Variants in TSHZ2 observed in about 807,000 individuals in gnomAD.
TSHZ2 encodes teashirt homolog 2.
In TSHZ2, 21 loss-of-function variants were observed where a neutral mutation model predicts 74.4. The observed-to-expected ratio is 0.28, with a 90% confidence interval of 0.20 to 0.41. TSHZ2 has a LOEUF of 0.41. Among genes scored for constraint, TSHZ2 ranks in the 10% least tolerant of loss-of-function variants. The pLI, the probability that TSHZ2 is intolerant of heterozygous loss-of-function variation, is 1.00. For synonymous variants in TSHZ2, 540 were observed against 515.3 expected, an observed-to-expected ratio of 1.05 and a Z score of -0.65; for missense variants, 1,244 against 1,293.5, an observed-to-expected ratio of 0.96 and a Z score of 0.59.
At chr20:53,102,175 A>G (rs1349658203) in intron 1 of TSHZ2, among the ~76,000 whole-genome samples, 2 of 152,166 alleles carry the variant, frequency 1.3e-5, no homozygotes, top group Non-Finnish European at 2.9e-5. Context: ...TGGATAAATA[A>G]TGGACAATAT....
intron 2 of TSHZ2, among the ~76,000 whole-genome samples, chr20:53,403,907 G>A (rs1354769912): frequency 2.0e-5 from 3 of 152,086 alleles, no homozygotes; most frequent in East Asian, 1.9e-4. Context: ...AACCACAGCC[G>A]TGAGCCAAAA....
intron 2 of TSHZ2, among the ~76,000 whole-genome samples, chr20:53,451,416 A>G (rs1271677493): frequency 2.0e-5 from 3 of 152,224 alleles, no homozygotes; most frequent in Non-Finnish European, 2.9e-5. Flanking sequence ...GCTAACCTCA[A>G]TGACTTAGAA....
chr20:53,207,381 G>A (rs1238792053), intron 1 of TSHZ2, among the ~76,000 whole-genome samples: 1 of 152,158 alleles, frequency 6.6e-6, no homozygotes, highest in Non-Finnish European at 1.5e-5. Context: ...TCAGGCAGGA[G>A]TGACAGGTTC....
At chr20:53,175,159 T>C (rs13042344) in intron 1 of TSHZ2, among the ~76,000 whole-genome samples, 27,514 of 133,998 alleles carry the variant, frequency 0.21, 3,485 homozygotes, top group Middle Eastern at 0.28. Context: ...TTTTTTTTTT[T>C]CAACGGAGTT....
At chr20:53,354,094 G>T (rs1261014533) in intron 2 of TSHZ2, among the ~76,000 whole-genome samples, 1 of 152,216 alleles carries the variant, frequency 6.6e-6, no homozygotes, top group African/African-American at 2.4e-5. Flanking sequence ...CAAGGTGAAA[G>T]TTTAACTACA....
chr20:53,391,741 G>C (rs542500340), intron 2 of TSHZ2, among the ~76,000 whole-genome samples: 1 of 152,278 alleles, frequency 6.6e-6, no homozygotes, highest in South Asian at 2.1e-4. Context: ...TCAGGAGTTT[G>C]AGAACAGTGT....
chr20:53,379,894 G>A (rs534129658), intron 2 of TSHZ2, among the ~76,000 whole-genome samples: 7 of 152,178 alleles, frequency 4.6e-5, no homozygotes, highest in South Asian at 4.2e-4. Flanking sequence ...CTGTAACATC[G>A]TGAGCCAAAG....
At chr20:53,392,625 G>T (rs1191126997) in intron 2 of TSHZ2, among the ~76,000 whole-genome samples, 1 of 152,164 alleles carries the variant, frequency 6.6e-6, no homozygotes, top group Non-Finnish European at 1.5e-5. Context: ...GTTAAGGATG[G>T]TGAGGCTATG....
At chr20:53,438,445 G>A (rs992012541) in intron 2 of TSHZ2, among the ~76,000 whole-genome samples, 13 of 152,104 alleles carry the variant, frequency 8.5e-5, no homozygotes, top group Non-Finnish European at 1.5e-4. Flanking sequence ...GCAGCCCCAA[G>A]TTGAGCCGTC....
At chr20:53,122,988 T>TCTTCCACTTCCC (rs1238937214) in intron 1 of TSHZ2, among the ~76,000 whole-genome samples, 1 of 152,216 alleles carries the variant, frequency 6.6e-6, no homozygotes, top group Non-Finnish European at 1.5e-5. Flanking sequence ...TTCCGCTTTC[T>TCTTCCACTTCCC]ACTCTTCCAC....
chr20:53,058,798 G>A (rs1469608669), intron 1 of TSHZ2, among the ~76,000 whole-genome samples: 2 of 152,234 alleles, frequency 1.3e-5, no homozygotes, highest in African/African-American at 4.8e-5. Flanking sequence ...TAGAAGCTCA[G>A]GACAGATGCA....
chr20:53,072,241 C>A (rs939781017), intron 1 of TSHZ2, among the ~76,000 whole-genome samples: 2 of 152,176 alleles, frequency 1.3e-5, no homozygotes, highest in Admixed American at 1.3e-4. Flanking sequence ...GTTTCTATGA[C>A]ATTAAGGACT....
At chr20:53,031,136 G>A (rs899986817) in intron 1 of TSHZ2, among the ~76,000 whole-genome samples, 2 of 152,106 alleles carry the variant, frequency 1.3e-5, no homozygotes, top group African/African-American at 4.8e-5. Flanking sequence ...AATTATGCCT[G>A]TTTAATGCTT....
intron 2 of TSHZ2, among the ~76,000 whole-genome samples, chr20:53,272,777 T>G (rs1336748514): frequency 1.3e-5 from 2 of 152,140 alleles, no homozygotes; most frequent in African/African-American, 4.8e-5. Flanking sequence ...ATGCTAACTC[T>G]TGGAGGAACT....
chr20:53,396,865 AG>A (rs1364466384), intron 2 of TSHZ2, among the ~76,000 whole-genome samples: 7 of 148,782 alleles, frequency 4.7e-5, no homozygotes, highest in Admixed American at 2.7e-4. Flanking sequence ...AAAAAAAAAC[AG>A]AGAGAGAATG....
At chr20:53,391,220 C>T (rs971643830) in intron 2 of TSHZ2, among the ~76,000 whole-genome samples, 2 of 152,184 alleles carry the variant, frequency 1.3e-5, no homozygotes, top group African/African-American at 4.8e-5. Flanking sequence ...GATCTCGGCT[C>T]ACTGCAAGCT....
rs145967720 is a variant in TSHZ2, at chr20:53,194,513, C to T, written c.41-58986C>T. Among the ~76,000 whole-genome samples the T allele has an allele frequency of 2.8e-3, 433 of 152,320 alleles. 2 individuals carry two copies. The highest frequency in any genetic ancestry group is 1.0e-2 in the African/African-American group (415 of 41,558). ...CGACTTTCAGCATCATCCATCAAGT[C>T]CTGGTTTCACTACAGGGCTCCACAT... On this transcript the variant is annotated intron_variant, in intron 1 of 2. Coordinates refer to ENST00000371497, the MANE Select transcript of TSHZ2 (RefSeq NM_173485.6).
At chr20:53,379,839 C>T (rs759680462) in intron 2 of TSHZ2, among the ~76,000 whole-genome samples, 3 of 152,102 alleles carry the variant, frequency 2.0e-5, no homozygotes, top group Admixed American at 6.5e-5. Context: ...TGATTAAAAC[C>T]CTCTTTCTTC....
rs185844737 is a variant in TSHZ2 at position 53,363,041 on chromosome 20, G to A, written c.*8+106470G>A. 4.9e-3 allele frequency among the ~76,000 whole-genome samples: 739 copies of A among 152,334 alleles called. 8 individuals are homozygous for A. Among genetic ancestry groups the A allele is most frequent in the African/African-American group, 0.017 (697 of 41,582 alleles). On this transcript the variant is annotated intron_variant, in intron 2 of 2. Transcript: ENST00000371497. ...GGATTTAACGAATGCCCCAGAAGCA[G>A]CCCTTGACCAATGGTGCACAGTGAG...
Sources: allele counts gnomAD v4.1 joint callset (sites outside exome capture counted in the v4.1 genomes callset), GRCh38; gene constraint gnomAD v4.1.1; transcripts MANE v1.5; gene names NCBI Gene and HGNC (gene_info 2026-07-23, HGNC 2026-07-21).